The following RGS12 variants were observed in gnomAD, a reference collection of about 807,000 sequenced individuals.
The protein encoded by RGS12 is regulator of G protein signaling 12, also known as regulator of G-protein signaling 12.
Under a neutral mutation model 120.1 loss-of-function variants are expected in RGS12, and 66 were observed. That is an observed-to-expected ratio of 0.55 (90% CI 0.45 to 0.67). The LOEUF (loss-of-function observed/expected upper bound fraction) is 0.67, where lower values mean the gene tolerates loss of function less well. RGS12 is among the 30% of genes least tolerant of loss of function. RGS12 has a pLI of 0.00. For synonymous variants in RGS12, 827 were observed against 804.7 expected, an observed-to-expected ratio of 1.03 and a Z score of -0.47; for missense variants, 1,859 against 1,957.7, an observed-to-expected ratio of 0.95 and a Z score of 0.95.
chr4:3,371,759 TCTC>T (rs2108892896), intron 3 of RGS12, among the ~76,000 whole-genome samples: 1 of 152,218 alleles, frequency 6.6e-6, no homozygotes, highest in East Asian at 1.9e-4. Context: ...CAGAATTGCT[TCTC>T]CTTCTAAGCT....
intron 2 of RGS12, among the ~76,000 whole-genome samples, chr4:3,321,003 G>T (rs1282487939): frequency 6.6e-6 from 1 of 152,212 alleles, no homozygotes; most frequent in East Asian, 1.9e-4. Context: ...GTGTCAGGCA[G>T]CGAGCTTCAC....
intron 1 of RGS12, chr4:3,314,707 A>G (rs1193456988): frequency 1.3e-5 from 2 of 152,248 alleles, no homozygotes; most frequent in Non-Finnish European, 2.9e-5. Flanking sequence ...CCTGGCCTAA[A>G]ACAATTATTT....
chr4:3,293,587 C>A (rs1401524918), intron 1 of RGS12, among the ~76,000 whole-genome samples: 1 of 152,188 alleles, frequency 6.6e-6, no homozygotes, highest in African/African-American at 2.4e-5. Flanking sequence ...GACCTGGGGT[C>A]GCCTCAGCCG....
intron 4 of RGS12, among the ~76,000 whole-genome samples, chr4:3,409,316 G>C (rs1721486587): frequency 6.6e-6 from 1 of 152,220 alleles, no homozygotes; most frequent in South Asian, 2.1e-4. Flanking sequence ...GAGCACACCA[G>C]ACAGGTCATC....
intron 4 of RGS12, among the ~76,000 whole-genome samples, chr4:3,411,900 T>C (rs1462440454): frequency 1.3e-5 from 2 of 152,262 alleles, no homozygotes; most frequent in Non-Finnish European, 2.9e-5. Flanking sequence ...CTTCTTGCAG[T>C]GCGTGCCGCC....
intron 9 of RGS12, chr4:3,418,988 C>T (rs1225064660): frequency 7.1e-6 from 1 of 141,226 alleles, no homozygotes; most frequent in African/African-American, 2.7e-5. Flanking sequence ...GGTGACCAGC[C>T]TGGGCAACAT....
intron 3 of RGS12, among the ~76,000 whole-genome samples, chr4:3,377,056 G>A (rs949236841): frequency 2.0e-5 from 3 of 150,574 alleles, no homozygotes; most frequent in African/African-American, 4.9e-5. Flanking sequence ...CTGCCACCCA[G>A]GCTGGAGTGC....
Position 3,421,439 on chromosome 4 carries a change from T to C in RGS12, c.2838+721T>C, listed in dbSNP as rs572696433. Among the ~76,000 whole-genome samples the C allele has an allele frequency of 2.6e-5, 4 of 152,354 alleles. No homozygotes were observed. In the South Asian group the frequency reaches 8.3e-4, roughly 32 times the overall value. Reference sequence around the variant, plus strand: ...CAGTTAGCTCTTGTTGCCTAATACCTCCGCACCCCCAAACTCAGAGGCTGG... The same window carrying C: ...CAGTTAGCTCTTGTTGCCTAATACCCCCGCACCCCCAAACTCAGAGGCTGG... On this transcript the variant is annotated intron_variant, in intron 10 of 17. Transcript: ENST00000336727.
rs946180651 is a variant in RGS12, at chr4:3,413,005, C to T, written c.2021-1067C>T. 4 of 147,956 alleles carry T rather than the reference C, an allele frequency of 2.7e-5. 1 individual carries two copies. The highest frequency in any genetic ancestry group is 6.0e-5 in the Non-Finnish European group (4 of 66,442). 9.2% of individuals were successfully genotyped at this position (147,956 alleles called of 1,614,324 possible). A position where few individuals can be genotyped will look rare whatever the true frequency, so the allele number is the denominator to read the frequency against. On this transcript the variant is annotated intron_variant, in intron 4 of 17. Transcript: ENST00000336727. ...GGGACGGGGGCGCCCCCACACTGCT[C>T]GCGTCAGGAGGGACGGGGGCGCCCC...
At chr4:3,328,746 G>A (rs768120174) in intron 2 of RGS12, among the ~76,000 whole-genome samples, 42 of 152,304 alleles carry the variant, frequency 2.8e-4, no homozygotes, top group African/African-American at 8.4e-4. Context: ...AGGGTTCTAC[G>A]CAAAGTCAGC....
chr4:3,403,091 C>T (rs1720760303), intron 4 of RGS12, among the ~76,000 whole-genome samples: 1 of 152,242 alleles, frequency 6.6e-6, no homozygotes, highest in South Asian at 2.1e-4. Context: ...CCGCTCTGCT[C>T]ACTCGCATGG....
At position 3,352,484 on chromosome 4, in the gene RGS12, C is replaced by T. The variant is rs990684699; in HGVS notation, c.1998+9431C>T. ...CCTAAATAACAAATAGGGAGGGAGA[C>T]TCTCCAAAAGAAAATGGTATTTATT... On this transcript the variant is annotated intron_variant, in intron 3 of 17. Coordinates refer to ENST00000336727, the MANE Select transcript of RGS12 (RefSeq NM_001394154.1). Among the ~76,000 whole-genome samples, 26 of 152,008 alleles carry T rather than the reference C, an allele frequency of 1.7e-4. 1 individual carries two copies. Among genetic ancestry groups the T allele is most frequent in the African/African-American group, 6.1e-4 (25 of 41,316 alleles).
intron 2 of RGS12, among the ~76,000 whole-genome samples, chr4:3,321,927 T>G (rs943400702): frequency 1.3e-5 from 2 of 152,256 alleles, no homozygotes; most frequent in Non-Finnish European, 2.9e-5. Context: ...GTATGCAAAA[T>G]AAGCTGACTA....
chr4:3,314,753 C>T (rs1724626826), intron 1 of RGS12: 1 of 152,244 alleles, frequency 6.6e-6, no homozygotes, highest in South Asian at 2.1e-4. Context: ...TATTTTGTGT[C>T]TTCACAACAC....
Position 3,396,983 on chromosome 4 carries a change from CAA to C in RGS12, c.2020+10548_2020+10549del, listed in dbSNP as rs528391720. On this transcript the variant is annotated intron_variant, in intron 4 of 17. Transcript: ENST00000336727. ...ATATGTAGTTACTCATTCTTGCTCT[CAA>C]AGTCTTGAGACCATTCCTCCCAGGA... 1.2e-4 allele frequency among the ~76,000 whole-genome samples: 19 copies of C among 152,078 alleles called. 1 individual carries two copies. The South Asian group carries it at 3.3e-3, about 27-fold the overall frequency.
At chr4:3,408,967 G>A (rs907175594) in intron 4 of RGS12, among the ~76,000 whole-genome samples, 1 of 152,186 alleles carries the variant, frequency 6.6e-6, no homozygotes, top group East Asian at 1.9e-4. Context: ...GCAAGGTGAC[G>A]CCTCCTGTCT....
At chr4:3,304,066 AAG>A (rs1346409810) in intron 1 of RGS12, among the ~76,000 whole-genome samples, 2 of 152,226 alleles carry the variant, frequency 1.3e-5, no homozygotes, top group Admixed American at 1.3e-4. Context: ...AAGAGGAAGA[AAG>A]CGCATTTGCT....
rs74848172 is a variant in RGS12 at position 3,382,527 on chromosome 4, C to A, written c.1999-3889C>A. 2.3e-3 allele frequency among the ~76,000 whole-genome samples: 349 copies of A among 152,334 alleles called. 1 individual carries two copies. Among genetic ancestry groups the A allele is most frequent in the African/African-American group, 8.2e-3 (341 of 41,572 alleles). ...AACATCATGGGATCCACTGAAAAGT[C>A]TTGCTGGCTTGCATTAGTCCTGCTC... On this transcript the variant is annotated intron_variant, in intron 3 of 17. Transcript: ENST00000336727.
chr4:3,439,717 A>T lies in RGS12; in HGVS notation c.*33A>T, dbSNP rs748534821. ...TGGCCTGGCCAACTCTCCTGTGGAC[A>T]TGTCGGGGTGGGGCAGCCCAGGTGG... On this transcript the variant is annotated 3_prime_UTR_variant, in exon 18 of 18. Coordinates refer to ENST00000336727, the MANE Select transcript of RGS12 (RefSeq NM_001394154.1). The T allele has an allele frequency of 6.9e-7, 1 of 1,456,450 alleles. No homozygotes were observed. The highest frequency in any genetic ancestry group is 2.5e-5 in the East Asian group (1 of 39,422). The allele number at this position is 1,456,450 out of a possible 1,614,324, so 90.2% of individuals were successfully genotyped here. A position where few individuals can be genotyped will look rare whatever the true frequency, so the allele number is the denominator to read the frequency against.
Sources: gnomAD v4.1 joint callset for allele counts (sites outside exome capture counted in the v4.1 genomes callset) on GRCh38, gnomAD v4.1.1 for gene constraint, MANE v1.5 for transcripts, NCBI Gene and HGNC (gene_info 2026-07-23, HGNC 2026-07-21) for gene names.